PPAT: variants seen among roughly 807,000 people sequenced by gnomAD.
PPAT encodes the protein amidophosphoribosyltransferase.
A neutral mutation model predicts 60.2 loss-of-function variants in PPAT; 20 were observed. The observed-to-expected ratio is 0.33, with a 90% CI of 0.23 to 0.48. The LOEUF is 0.48. Ranked by LOEUF, PPAT falls within the 20% of genes least tolerant of loss-of-function variation. PPAT has a pLI of 0.99. For missense variants in PPAT, 349 were observed against 629.6 expected, an observed-to-expected ratio of 0.55 and a Z score of 4.77; for synonymous variants, 194 against 215.1, an observed-to-expected ratio of 0.90 and a Z score of 0.86.
chr4:56,401,699 A>T (rs1716116086), intron 6 of PPAT, among the ~76,000 whole-genome samples: 1 of 152,196 alleles, frequency 6.6e-6, no homozygotes, highest in South Asian at 2.1e-4. Context: ...GAATTAAAAA[A>T]TTAAGGGCCC....
intron 3 of PPAT, among the ~76,000 whole-genome samples, chr4:56,404,816 C>G (rs1486590039): frequency 6.6e-6 from 1 of 152,122 alleles, no homozygotes; most frequent in Non-Finnish European, 1.5e-5. Flanking sequence ...AATGGAATGA[C>G]AGTGAGTGGT....
At chr4:56,432,890 A>C (rs892323254) in intron 1 of PPAT, among the ~76,000 whole-genome samples, 1 of 151,642 alleles carries the variant, frequency 6.6e-6, no homozygotes, top group Admixed American at 6.6e-5. Flanking sequence ...TTTAAAACTA[A>C]CCAGTGAGTG....
chr4:56,402,832 AAAAAAAAAAAAAAAAAG>A (rs1365142918), intron 5 of PPAT, among the ~76,000 whole-genome samples, 191 bp downstream of exon 5: 1 of 137,282 alleles, frequency 7.3e-6, no homozygotes, highest in African/African-American at 2.7e-5. Flanking sequence ...AAAAAAAAAA[AAAAAAAAAAAAAAAAAG>A]GGGGGGGACT....
At chr4:56,403,211 A>C in intron 4 of PPAT, 26 bp from the exon 5 acceptor site, 1 of 1,599,724 alleles carries the variant, frequency 6.3e-7, no homozygotes, top group East Asian at 2.2e-5. Context: ...TAATTGAATG[A>C]ATAACTTCAG....
intron 1 of PPAT, chr4:56,420,566 TAC>T (rs1366489211): frequency 6.6e-6 from 1 of 152,136 alleles, no homozygotes; most frequent in Non-Finnish European, 1.5e-5. Flanking sequence ...ATAGAAACAG[TAC>T]AGTTATACAA....
In PPAT at chr4:56,416,705, A is replaced by G. The variant is rs189166460; in HGVS notation, c.129-8989T>C. ...AGAAATCTGATGGCTAAACTTACTC[A>G]TAGTAATGAACATGATCACTTTAGT... On this transcript the variant is annotated intron_variant, in intron 1 of 10. Coordinates refer to ENST00000264220, the MANE Select transcript of PPAT (RefSeq NM_002703.5). Among the ~76,000 whole-genome samples the G allele has an allele frequency of 1.2e-3, 188 of 152,320 alleles. 2 individuals are homozygous for G. Among genetic ancestry groups the G allele is most frequent in the African/African-American group, 4.2e-3 (176 of 41,568 alleles).
chr4:56,430,239 T>C (rs956140900), intron 1 of PPAT, among the ~76,000 whole-genome samples: 5 of 152,340 alleles, frequency 3.3e-5, no homozygotes, highest in African/African-American at 1.2e-4. Flanking sequence ...TTCTGTTGAA[T>C]ACATACCCAG....
At chr4:56,414,533 G>T (rs939806545) in intron 1 of PPAT, among the ~76,000 whole-genome samples, 3 of 152,102 alleles carry the variant, frequency 2.0e-5, no homozygotes, top group Non-Finnish European at 4.4e-5. Context: ...CAAATGTATC[G>T]CAAGTAATGA....
At chr4:56,435,298 G>C in intron 1 of PPAT, 52 bp downstream of exon 1, 1 of 1,607,480 alleles carries the variant, frequency 6.2e-7, no homozygotes, top group Non-Finnish European at 8.5e-7. Flanking sequence ...TGCGGGAAGC[G>C]GCTCCGAGAG....
At chr4:56,427,317 C>G (rs190614008) in intron 1 of PPAT, among the ~76,000 whole-genome samples, 2 of 152,190 alleles carry the variant, frequency 1.3e-5, no homozygotes, top group East Asian at 3.9e-4. Context: ...TTTTCCACAG[C>G]ATGTATATGT....
At chr4:56,406,743 G>A (rs757929334) in intron 2 of PPAT, 42 bp from the exon 3 acceptor site, 1 of 1,404,110 alleles carries the variant, frequency 7.1e-7, no homozygotes, top group South Asian at 1.2e-5. Flanking sequence ...AAACAGACTA[G>A]TACTGCTAGT....
chr4:56,410,495 C>T (rs1408401980), intron 1 of PPAT: 1 of 983,754 alleles, frequency 1.0e-6, no homozygotes, highest in South Asian at 4.7e-5. Flanking sequence ...AATAGTGAAT[C>T]ATTTCCAGGT....
intron 6 of PPAT, 86 bp downstream of exon 6, chr4:56,402,015 AAAACTTTC>A (rs3830557): frequency 0.033 from 32,996 of 996,636 alleles, 1,358 homozygotes; most frequent in East Asian, 0.22. Flanking sequence ...CATCAAAAAG[AAAACTTTC>A]AAACTTTCAC....
At chr4:56,405,024 TCAA>T (rs1716210782) in intron 3 of PPAT, among the ~76,000 whole-genome samples, 1 of 150,524 alleles carries the variant, frequency 6.6e-6, no homozygotes, top group East Asian at 2.0e-4. Flanking sequence ...CTGAAGAAAC[TCAA>T]CATTAATTAA....
intron 1 of PPAT, among the ~76,000 whole-genome samples, chr4:56,430,220 T>C (rs1717510768): frequency 6.6e-6 from 1 of 152,348 alleles, no homozygotes; most frequent in African/African-American, 2.4e-5. Flanking sequence ...AATGGACATA[T>C]GTATGCATTT....
chr4:56,415,989 G>C (rs1716711688), intron 1 of PPAT, among the ~76,000 whole-genome samples: 1 of 151,634 alleles, frequency 6.6e-6, no homozygotes, highest in Non-Finnish European at 1.5e-5. Context: ...AGAATTGCTT[G>C]AACCCGGGAG....
intron 10 of PPAT, 122 bp from the exon 11 acceptor site, chr4:56,395,670 T>A: frequency 1.5e-6 from 1 of 662,540 alleles, no homozygotes; most frequent in Non-Finnish European, 2.1e-6. Context: ...CTTTAGCCTT[T>A]CTTTAAAAAA....
At position 56,435,333 on chromosome 4, in the gene PPAT, C is replaced by T. The variant is rs756781025; in HGVS notation, c.128+17G>A. The stretch of plus-strand genomic sequence containing the variant: ...GATGGAGACGCACGCCCCCGCCACC[C>T]CCACCCTGTTGCTCACCGGTGCTGC... On this transcript the variant is annotated intron_variant, in intron 1 of 10. Coordinates refer to ENST00000264220, the MANE Select transcript of PPAT (RefSeq NM_002703.5). The T allele has an allele frequency of 6.2e-7, 1 of 1,613,372 alleles. No homozygotes were observed. The highest frequency in any genetic ancestry group is 1.3e-5 in the African/African-American group (1 of 74,894).
chr4:56,411,343 T>G (rs916576770), intron 1 of PPAT, among the ~76,000 whole-genome samples: 4 of 152,242 alleles, frequency 2.6e-5, no homozygotes, highest in African/African-American at 9.6e-5. Context: ...CCTAAATTTA[T>G]AAATAAAAGC....
Sources: gnomAD v4.1 joint callset for allele counts (sites outside exome capture counted in the v4.1 genomes callset) on GRCh38, gnomAD v4.1.1 for gene constraint, MANE v1.5 for transcripts, NCBI Gene and HGNC (gene_info 2026-07-23, HGNC 2026-07-21) for gene names.